Variants in CD6 observed in about 807,000 individuals in gnomAD.
CD6 encodes the protein CD6 molecule, also known as T-cell differentiation antigen CD6.
Under a neutral mutation model 75.3 loss-of-function variants are expected in CD6, and 53 were observed. The ratio of observed to expected loss-of-function variants is 0.70; its 90% CI spans 0.56 to 0.88. CD6 has a LOEUF of 0.88. CD6 is among the 40% of genes least tolerant of loss of function. The pLI is 0.00. For synonymous variants in CD6, 359 were observed against 381.5 expected (o/e 0.94, Z 0.69); for missense variants, 770 against 897.1 (o/e 0.86, Z 1.81).
intron 1 of CD6, among the ~76,000 whole-genome samples, chr11:60,997,389 A>T (rs1010487509): frequency 5.3e-5 from 8 of 149,856 alleles, no homozygotes; most frequent in Non-Finnish European, 1.0e-4. Context: ...AAAAAAAAAA[A>T]AAATAAAATA....
At chr11:61,011,021 T>C (rs1038862940) in intron 5 of CD6, 49 bp from the exon 6 acceptor site, 2 of 1,532,912 alleles carry the variant, frequency 1.3e-6, no homozygotes, top group African/African-American at 1.4e-5. Flanking sequence ...TGGCACACAG[T>C]AGGTGCTCAG....
rs552262536 is a variant in CD6, at chr11:60,990,756, G to T, written c.50-15818G>T. On this transcript the variant is annotated intron_variant, in intron 1 of 12. Transcript: ENST00000313421. ...CACAAAAAGTGTCTCCATACACAAT[G>T]GATGGTATTGAGACATGTACTATAT... Among the ~76,000 whole-genome samples the T allele has an allele frequency of 2.1e-4, 14 of 65,972 alleles. No homozygotes were observed. In the South Asian group the frequency reaches 0.011, roughly 50 times the overall value. 43.3% of individuals were successfully genotyped at this position (65,972 alleles called of 152,430 possible).
chr11:61,009,930 T>C (rs1475816945), intron 5 of CD6, 56 bp downstream of exon 5: 1 of 1,501,208 alleles, frequency 6.7e-7, no homozygotes, highest in East Asian at 2.3e-5. Flanking sequence ...CCTGAATCCA[T>C]GTCCTAAAAA....
At chr11:60,975,481 T>C (rs1857330649) in intron 1 of CD6, among the ~76,000 whole-genome samples, 1 of 152,222 alleles carries the variant, frequency 6.6e-6, no homozygotes, top group Non-Finnish European at 1.5e-5. Context: ...ACAATTAAGT[T>C]TACATATTCC....
rs1224070706 is a variant in CD6 at position 61,009,655 on chromosome 11, G to C, written c.865G>C (p.Val289Leu). 2 of 1,613,930 alleles carry C rather than the reference G, an allele frequency of 1.2e-6. No homozygotes were observed. Among genetic ancestry groups the C allele is most frequent in the African/African-American group, 2.7e-5 (2 of 74,940 alleles). The change falls in exon 5 of 13, where the codon GTG becomes CTG. Residue 289 changes from valine (V) to leucine (L), a missense_variant. Transcript: ENST00000313421. ...ACACTTCCGAGGGGTCTGGAACACA[G>C]TGTGTGACAGTGAGTGGTACCCATC... Reference protein sequence around the residue: ...EVHFRGVWNTVCDSEWYPSEA... With the variant: ...EVHFRGVWNTLCDSEWYPSEA...
chr11:60,991,770 A>C (rs1380219589), intron 1 of CD6, among the ~76,000 whole-genome samples: 4 of 149,240 alleles, frequency 2.7e-5, no homozygotes, highest in African/African-American at 9.9e-5. Context: ...CCTGGGCTCA[A>C]GTGATCCTCC....
chr11:60,980,348 T>C (rs759494328), intron 1 of CD6, among the ~76,000 whole-genome samples: 1 of 151,724 alleles, frequency 6.6e-6, no homozygotes, highest in African/African-American at 2.4e-5. Flanking sequence ...TACAAAAAAT[T>C]AAAAAGTTAG....
intron 1 of CD6, among the ~76,000 whole-genome samples, chr11:60,974,755 G>A (rs1375110259): frequency 6.6e-6 from 1 of 152,178 alleles, no homozygotes; most frequent in Non-Finnish European, 1.5e-5. Flanking sequence ...GGGAGGCTGG[G>A]GTGGCATCAT....
chr11:61,002,894 C>A (rs1241312835), intron 1 of CD6, among the ~76,000 whole-genome samples: 1 of 152,198 alleles, frequency 6.6e-6, no homozygotes, highest in Non-Finnish European at 1.5e-5. Context: ...ATAACCAACA[C>A]ACCCCTGTGA....
intron 1 of CD6, among the ~76,000 whole-genome samples, chr11:61,003,712 C>G (rs1382901297): frequency 1.3e-5 from 2 of 152,164 alleles, no homozygotes; most frequent in Non-Finnish European, 2.9e-5. Flanking sequence ...CCAGCCTGGG[C>G]GACAGAGCGA....
intron 9 of CD6, 101 bp downstream of exon 9, chr11:61,015,936 T>C: frequency 1.4e-6 from 2 of 1,400,160 alleles, no homozygotes; most frequent in Non-Finnish European, 2.0e-6. Context: ...AACCCCTGCA[T>C]GATGCAGACA....
intron 1 of CD6, among the ~76,000 whole-genome samples, chr11:61,001,771 T>C (rs1858597104): frequency 6.6e-6 from 1 of 152,150 alleles, no homozygotes. Flanking sequence ...CTGCATAGTT[T>C]GCAGGGCCCA....
rs1328400155 is a variant in CD6 at position 61,007,607 on chromosome 11, G to C, written c.166G>C (p.Gly56Arg). The C allele has an allele frequency of 2.2e-5, 33 of 1,502,702 alleles. No individual in the cohort carries two copies. Among genetic ancestry groups the C allele is most frequent in the Non-Finnish European group, 2.8e-5 (31 of 1,126,096 alleles). 93.1% of individuals were successfully genotyped at this position (1,502,702 alleles called of 1,614,324 possible). The change falls in exon 3 of 13, where the codon GGG becomes CGG. Residue 56 changes from glycine to arginine, a missense_variant. By Grantham distance (125) the Gly-to-Arg change is moderately radical. Transcript: ENST00000313421. This position sits in a 1 kb window ranked among gnomAD's most constrained non-coding sequence, Gnocchi z 4.2. ...GACAAACGGGAGCAGCAGCTGCAGC[G>C]GGACGGTGGAGGTGCGGCTCGAGGC... Reference protein sequence around the residue: ...RLTNGSSSCSGTVEVRLEASW... With the variant: ...RLTNGSSSCSRTVEVRLEASW...
chr11:60,992,178 C>T (rs2135079220), intron 1 of CD6, among the ~76,000 whole-genome samples: 1 of 151,922 alleles, frequency 6.6e-6, no homozygotes, highest in Non-Finnish European at 1.5e-5. Context: ...AGCACCCAGC[C>T]TCATTTTTTT....
intron 9 of CD6, 60 bp downstream of exon 9, chr11:61,015,895 G>A (rs1859381148): frequency 1.1e-5 from 18 of 1,602,466 alleles, no homozygotes; most frequent in Admixed American, 1.0e-4. Flanking sequence ...GGGGCCCCGA[G>A]GGGACCGTCA....
rs773017397 is a variant in CD6 at position 61,008,554 on chromosome 11, G to A, written c.490G>A (p.Val164Met). The change falls in exon 4 of 13, where the codon GTG becomes ATG. Residue 164 changes from valine (V) to methionine (M), a missense_variant. By Grantham distance (21) the Val-to-Met change is conservative. Coordinates refer to ENST00000313421, the MANE Select transcript of CD6 (RefSeq NM_006725.5). ...CCTAGAGAACCGCGCGCTGCGCCTG[G>A]TGGACGGTGGCGGCGCCTGCGCCGG... ...TCAENRALRL[V>M]DGGGACAGRV... 1.9e-6 allele frequency: 3 copies of A among 1,604,556 alleles called. No individual in the cohort carries two copies. Among genetic ancestry groups the A allele is most frequent in the East Asian group, 2.2e-5 (1 of 44,572 alleles).
chr11:61,013,004 T>C (rs1859217966), intron 6 of CD6, among the ~76,000 whole-genome samples: 1 of 152,220 alleles, frequency 6.6e-6, no homozygotes, highest in Admixed American at 6.5e-5. Context: ...CTCATCATAC[T>C]GGACTGGGTT....
At chr11:60,987,695 G>A (rs1476804741) in intron 1 of CD6, among the ~76,000 whole-genome samples, 1 of 149,414 alleles carries the variant, frequency 6.7e-6, no homozygotes, top group African/African-American at 2.4e-5. Flanking sequence ...AGGTTATTTG[G>A]CAAAGGCCTG....
chr11:61,003,428 G>A (rs1157045459), intron 1 of CD6, among the ~76,000 whole-genome samples: 4 of 152,112 alleles, frequency 2.6e-5, no homozygotes, highest in African/African-American at 9.7e-5. Context: ...GAGGCACAGG[G>A]CCAGGCAAAA....
Sources: gnomAD v4.1 joint callset for allele counts (sites outside exome capture counted in the v4.1 genomes callset) on GRCh38, gnomAD v4.1.1 for gene constraint, Gnocchi (gnomAD v3.1) non-coding constraint, MANE v1.5 for transcripts, NCBI Gene and HGNC (gene_info 2026-07-23, HGNC 2026-07-21) for gene names.